SCNN1B: variants seen among roughly 807,000 people sequenced by gnomAD.
The protein encoded by SCNN1B is epithelial sodium channel subunit beta.
Under a neutral mutation model 65.3 loss-of-function variants are expected in SCNN1B, and 46 were observed. The ratio of observed to expected loss-of-function variants is 0.70; its 90% CI spans 0.56 to 0.90. The LOEUF is 0.90. Ranked by LOEUF, SCNN1B falls within the 40% of genes least tolerant of loss-of-function variation. SCNN1B has a pLI of 0.00. For missense variants in SCNN1B, 751 were observed against 830.5 expected (o/e 0.90, Z 1.18); for synonymous variants, 349 against 330.6 (o/e 1.06, Z -0.60).
intron 2 of SCNN1B, among the ~76,000 whole-genome samples, chr16:23,292,477 A>G (rs774089365): frequency 7.2e-5 from 11 of 151,898 alleles, no homozygotes; most frequent in Non-Finnish European, 1.2e-4. Flanking sequence ...GATTACAGGC[A>G]TAAGCCACCG....
intron 1 of SCNN1B, among the ~76,000 whole-genome samples, chr16:23,322,407 C>T (rs577215151): frequency 6.6e-6 from 1 of 152,282 alleles, no homozygotes; most frequent in Non-Finnish European, 1.5e-5. Context: ...TTCCAGCGAT[C>T]CTTCCACCTC....
chr16:23,369,170 C>T (rs1338799656), intron 5 of SCNN1B, among the ~76,000 whole-genome samples: 2 of 152,140 alleles, frequency 1.3e-5, no homozygotes, highest in African/African-American at 2.4e-5. Flanking sequence ...TGCAGTGGCA[C>T]GGTCATGGCT....
chr16:23,377,123 G>T, intron 8 of SCNN1B, 42 bp from the exon 9 acceptor site: 1 of 1,581,670 alleles, frequency 6.3e-7, no homozygotes, highest in Non-Finnish European at 8.7e-7. Flanking sequence ...CACCTAAAAA[G>T]CCCCCTTAAA....
chr16:23,319,442 T>C lies in SCNN1B; in HGVS notation c.-9+17005T>C, dbSNP rs576973142. On this transcript the variant is annotated intron_variant, in intron 1 of 12. Coordinates refer to ENST00000343070, the MANE Select transcript of SCNN1B (RefSeq NM_000336.3). ...TGTTTGATCCACCAGCTGTTTTTTG[T>C]GCAGCTTGTGAGTTAAGAATGGTTT... Among the ~76,000 whole-genome samples, 6 of 152,150 alleles carry C rather than the reference T, an allele frequency of 3.9e-5. No individual in the cohort carries two copies. In the South Asian group the frequency reaches 1.2e-3, roughly 32 times the overall value.
At chr16:23,332,359 C>T (rs1290242513) in intron 1 of SCNN1B, among the ~76,000 whole-genome samples, 1 of 152,068 alleles carries the variant, frequency 6.6e-6, no homozygotes, top group Non-Finnish European at 1.5e-5. Flanking sequence ...CCATGCCCAG[C>T]TAATTTTTTG....
At chr16:23,367,556 C>T (rs893322074) in intron 4 of SCNN1B, among the ~76,000 whole-genome samples, 5 of 152,224 alleles carry the variant, frequency 3.3e-5, no homozygotes, top group Non-Finnish European at 5.9e-5. Flanking sequence ...CCTCAGCCTT[C>T]CAAAGTGCTA....
At chr16:23,331,217 C>T (rs563362700) in intron 1 of SCNN1B, among the ~76,000 whole-genome samples, 18 of 152,302 alleles carry the variant, frequency 1.2e-4, no homozygotes, top group Middle Eastern at 3.4e-3. Flanking sequence ...TCTTTCTCAG[C>T]GCTCCTGGGT....
At chr16:23,345,350 A>G (rs1261500897) in intron 1 of SCNN1B, among the ~76,000 whole-genome samples, 1 of 152,214 alleles carries the variant, frequency 6.6e-6, no homozygotes, top group African/African-American at 2.4e-5. Context: ...TAAGCTTCTT[A>G]TGGGTGCAAA....
chr16:23,293,114 CAAAAAAAAA>C (rs1191618996), intron 2 of SCNN1B, among the ~76,000 whole-genome samples: 57 of 34,186 alleles, frequency 1.7e-3, no homozygotes, highest in African/African-American at 4.2e-3. Context: ...GACTCATTCT[CAAAAAAAAA>C]AAAAAAAAAA....
Position 23,345,848 on chromosome 16 carries a change from G to A in SCNN1B, c.-8-2744G>A, listed in dbSNP as rs532242669. 2.6e-5 allele frequency among the ~76,000 whole-genome samples: 4 copies of A among 152,274 alleles called. No individual in the cohort carries two copies. The East Asian group carries it at 7.7e-4, about 29-fold the overall frequency. On this transcript the variant is annotated intron_variant, in intron 1 of 12. Transcript: ENST00000343070. ...GGGAAAGGCTCTCAGAGGGGGTGAG[G>A]GTCCAGCCTGAAGTCAGGAGAGCTT...
At chr16:23,347,768 A>G (rs1419302237) in intron 1 of SCNN1B, among the ~76,000 whole-genome samples, 1 of 152,076 alleles carries the variant, frequency 6.6e-6, no homozygotes, top group Non-Finnish European at 1.5e-5. Flanking sequence ...ATTCACTGAT[A>G]TGGTGGTGTG....
chr16:23,288,848 G>A (rs893199228), intron 2 of SCNN1B, among the ~76,000 whole-genome samples: 6 of 152,162 alleles, frequency 3.9e-5, no homozygotes, highest in African/African-American at 1.4e-4. Context: ...GGGAAAGGTG[G>A]TTGTTAGCAG....
At chr16:23,343,673 A>AGAG (rs1264357789) in intron 1 of SCNN1B, among the ~76,000 whole-genome samples, 4 of 151,200 alleles carry the variant, frequency 2.6e-5, no homozygotes, top group African/African-American at 9.7e-5. Flanking sequence ...GGAAGGAAGA[A>AGAG]AAAAAAAAGC....
Position 23,336,015 on chromosome 16 carries a change from C to A in SCNN1B, c.-8-12577C>A, listed in dbSNP as rs548655100. On this transcript the variant is annotated intron_variant, in intron 1 of 12. Coordinates refer to ENST00000343070, the MANE Select transcript of SCNN1B (RefSeq NM_000336.3). ...CATAGGTGCACACAGAGGATGCGGGCAGCTGCATGGCCCCACTTCAGATTT... is the reference window on the plus strand; with the variant it reads ...CATAGGTGCACACAGAGGATGCGGGAAGCTGCATGGCCCCACTTCAGATTT... Among the ~76,000 whole-genome samples the A allele has an allele frequency of 1.2e-3, 183 of 152,284 alleles. 3 individuals are homozygous for A. The highest frequency in any genetic ancestry group is 4.9e-4 in the Non-Finnish European group (33 of 68,026).
chr16:23,347,631 G>T (rs1962216777), intron 1 of SCNN1B, among the ~76,000 whole-genome samples: 1 of 152,324 alleles, frequency 6.6e-6, no homozygotes, highest in Middle Eastern at 3.4e-3. Flanking sequence ...ATTAAGACCA[G>T]GTGCGGTGGT....
chr16:23,354,862 T>G (rs1962384564), intron 3 of SCNN1B, among the ~76,000 whole-genome samples: 1 of 152,200 alleles, frequency 6.6e-6, no homozygotes, highest in Admixed American at 6.5e-5. Context: ...TCTGCACACA[T>G]GACCGTGTGT....
At chr16:23,308,972 G>T (rs1231323679) in intron 1 of SCNN1B, among the ~76,000 whole-genome samples, 1 of 152,188 alleles carries the variant, frequency 6.6e-6, no homozygotes, top group Non-Finnish European at 1.5e-5. Context: ...CACTGGCTTA[G>T]TGTAAAACTT....
chr16:23,380,253 T>C lies in SCNN1B; in HGVS notation c.1542+84T>C. 6.7e-7 allele frequency: 1 copy of C among 1,501,322 alleles called. No individual in the cohort carries two copies. The highest frequency in any genetic ancestry group is 1.4e-5 in the African/African-American group (1 of 72,778). The allele number at this position is 1,501,322 out of a possible 1,614,324, so 93.0% of individuals were successfully genotyped here. On this transcript the variant is annotated intron_variant, in intron 12 of 12. Coordinates refer to ENST00000343070, the MANE Select transcript of SCNN1B (RefSeq NM_000336.3). This position sits in a 1 kb window ranked among gnomAD's most constrained non-coding sequence, Gnocchi z 5.4. ...AGGGTGGGGGAAGGGTTCTGAGCCC[T>C]ATGAAGGAATTAGGAAGATCCCTAA...
chr16:23,314,140 C>A (rs1006578945), intron 1 of SCNN1B, among the ~76,000 whole-genome samples: 2 of 152,160 alleles, frequency 1.3e-5, no homozygotes, highest in Admixed American at 6.5e-5. Flanking sequence ...CCACCTCAGC[C>A]TCTCCAGTAG....
Sources: allele counts gnomAD v4.1 joint callset (sites outside exome capture counted in the v4.1 genomes callset), GRCh38; gene constraint gnomAD v4.1.1; non-coding constraint Gnocchi (gnomAD v3.1); transcripts MANE v1.5; gene names NCBI Gene and HGNC (gene_info 2026-07-23, HGNC 2026-07-21).